MICAL2: variants seen among roughly 807,000 people sequenced by gnomAD.
MICAL2 encodes microtubule associated monooxygenase, calponin and LIM domain containing 2.
A neutral mutation model predicts 127.3 loss-of-function variants in MICAL2; 77 were observed. The ratio of observed to expected loss-of-function variants is 0.60; its 90% CI spans 0.50 to 0.73. The LOEUF (loss-of-function observed/expected upper bound fraction) is 0.73, where lower values mean the gene tolerates loss of function less well. MICAL2 is among the 30% of genes least tolerant of loss of function. The probability of loss-of-function intolerance (pLI) is 0.00; values close to 1 mark genes in which losing one functional copy is unlikely to be tolerated. For missense variants in MICAL2, 1,351 were observed against 1,434.4 expected (o/e 0.94, Z 0.94); for synonymous variants, 570 against 551.1 (o/e 1.03, Z -0.48).
chr11:12,203,469 A>T (rs986545840), intron 3 of MICAL2, among the ~76,000 whole-genome samples: 3 of 152,018 alleles, frequency 2.0e-5, no homozygotes, highest in African/African-American at 4.8e-5. Flanking sequence ...GTGTGAAGTG[A>T]TTTCTCCCTG....
In MICAL2 at chr11:12,189,409, CT is replaced by C. The variant is rs112563568; in HGVS notation, c.265-14840del. On this transcript the variant is annotated intron_variant, in intron 3 of 27. Transcript: ENST00000683283. Reference sequence around the variant, plus strand: ...ACCAGATATGATGCCTAGAAAATAGCTGTTCATTCAGTGTTTTTTGAATGAA... The same window carrying C: ...ACCAGATATGATGCCTAGAAAATAGCGTTCATTCAGTGTTTTTTGAATGAA... 8.0e-3 allele frequency among the ~76,000 whole-genome samples: 1,212 copies of C among 152,238 alleles called. 19 individuals are homozygous for C. Among genetic ancestry groups the C allele is most frequent in the African/African-American group, 0.026 (1,062 of 41,528 alleles).
At chr11:12,189,296 T>C (rs910232014) in intron 3 of MICAL2, among the ~76,000 whole-genome samples, 3 of 152,122 alleles carry the variant, frequency 2.0e-5, no homozygotes, top group African/African-American at 7.3e-5. Flanking sequence ...CCTTGATGTT[T>C]TTTTTGTTTT....
Position 12,358,462 on chromosome 11 carries a change from C to A in MICAL2, c.5857C>A (p.Gln1953Lys). Reference sequence around the variant, plus strand: ...AAGCTTCGTATTCTCCAGAGGCTGTCAGCTGAGCAGGACTTGAGGAGGCCC... The same window carrying A: ...AAGCTTCGTATTCTCCAGAGGCTGTAAGCTGAGCAGGACTTGAGGAGGCCC... Residue 1953 changes from glutamine to lysine, a missense_variant, in exon 35 of 35, where the codon CAG (glutamine) becomes AAG (lysine). By Grantham distance (53) the Gln-to-Lys change is moderately conservative (BLOSUM62 1). Transcript: ENST00000646065. 3.1e-6 allele frequency: 5 copies of A among 1,614,130 alleles called. No individual in the cohort carries two copies. The South Asian group carries it at 5.5e-5, about 18-fold the overall frequency.
chr11:12,134,198 C>T (rs369706025), intron 1 of MICAL2, among the ~76,000 whole-genome samples: 12 of 152,334 alleles, frequency 7.9e-5, no homozygotes, highest in African/African-American at 2.9e-4. Context: ...CAGTGCATGG[C>T]ACATTTAAGT....
intron 8 of MICAL2, among the ~76,000 whole-genome samples, chr11:12,216,938 GT>G (rs550093562): frequency 1.3e-5 from 2 of 152,324 alleles, no homozygotes; most frequent in Admixed American, 1.3e-4. Context: ...CCGGCAGAGG[GT>G]GGGTTTGTAG....
At chr11:12,265,157 C>A (rs113333443), downstream of MICAL2, among the ~76,000 whole-genome samples, 4 of 152,198 alleles carry the variant, frequency 2.6e-5, no homozygotes, top group Non-Finnish European at 5.9e-5. Context: ...AGTCCTCCCC[C>A]GTCCTGGAGA....
chr11:12,260,158 G>T (rs1487145381), intron 26 of MICAL2: 1 of 1,520,956 alleles, frequency 6.6e-7, no homozygotes, highest in Non-Finnish European at 8.8e-7. Context: ...GTGCTTCCCA[G>T]TCAAGCTCCG....
intron 29 of MICAL2, among the ~76,000 whole-genome samples, chr11:12,305,601 G>T (rs1287230009): frequency 6.6e-6 from 1 of 152,144 alleles, no homozygotes; most frequent in Non-Finnish European, 1.5e-5. Context: ...ACAATATACT[G>T]TAATAAAAGT....
In MICAL2 at chr11:12,307,108, T is replaced by C. The variant is rs369752519; in HGVS notation, c.5212+12251T>C. Among the ~76,000 whole-genome samples, 11 of 152,360 alleles carry C rather than the reference T, an allele frequency of 7.2e-5. No homozygotes were observed. The East Asian group carries it at 1.5e-3, about 21-fold the overall frequency. On this transcript the variant is annotated intron_variant, in intron 29 of 34. Coordinates refer to the MICAL2 transcript ENST00000646065. ...GGTTACTGTACATCCATGCTAACAC[T>C]TGACATTGTCAGACTCAAATTCTAG...
chr11:12,350,866 CA>C (rs959700495), intron 33 of MICAL2, among the ~76,000 whole-genome samples: 8 of 152,140 alleles, frequency 5.3e-5, no homozygotes, highest in African/African-American at 1.7e-4. Flanking sequence ...GCCAGAAGTT[CA>C]AAATCAAGGT....
intron 2 of MICAL2, among the ~76,000 whole-genome samples, chr11:12,282,330 A>G (rs1863781388): frequency 1.3e-5 from 2 of 151,130 alleles, no homozygotes; most frequent in South Asian, 4.2e-4. Flanking sequence ...GTCCAGCCCC[A>G]CCTCTGGTTA....
At chr11:12,282,781 A>G (rs1486867769) in intron 2 of MICAL2, among the ~76,000 whole-genome samples, 1 of 152,210 alleles carries the variant, frequency 6.6e-6, no homozygotes, top group Non-Finnish European at 1.5e-5. Flanking sequence ...AATAGATGAT[A>G]TTGAGAAATG....
intron 3 of MICAL2, among the ~76,000 whole-genome samples, chr11:12,166,584 T>C (rs566243381): frequency 6.6e-6 from 1 of 152,366 alleles, no homozygotes; most frequent in South Asian, 2.1e-4. Flanking sequence ...AGTAGCATTC[T>C]CTGTAAAATG....
At chr11:12,159,352 G>A (rs1854528793) in intron 2 of MICAL2, among the ~76,000 whole-genome samples, 2 of 152,200 alleles carry the variant, frequency 1.3e-5, no homozygotes, top group African/African-American at 4.8e-5. Flanking sequence ...TTGGAGAACT[G>A]ATTTACAAGA....
rs1863791899 is a variant in MICAL2 at position 12,283,364 on chromosome 11, ACT to A, written c.254+2268_254+2269del. On this transcript the variant is annotated intron_variant, in intron 2 of 2. Transcript: ENST00000529028. ...AGTTTAAAAAAAAAAAAAAAAAAAGACTCTACGTTGGTCCAGCCATGCTCATA... is the reference window on the plus strand; with the variant it reads ...AGTTTAAAAAAAAAAAAAAAAAAAGACTACGTTGGTCCAGCCATGCTCATA... 6.1e-5 allele frequency among the ~76,000 whole-genome samples: 9 copies of A among 148,434 alleles called. No individual in the cohort carries two copies. The South Asian group carries it at 1.9e-3, about 31-fold the overall frequency.
intron 3 of MICAL2, among the ~76,000 whole-genome samples, chr11:12,175,651 G>A (rs1280783977): frequency 6.6e-6 from 1 of 152,078 alleles, no homozygotes; most frequent in Non-Finnish European, 1.5e-5. Flanking sequence ...GCAGGGCAGG[G>A]AGAGGAGAGT....
intron 3 of MICAL2, among the ~76,000 whole-genome samples, chr11:12,203,483 CTTTAA>C (rs1177125417): frequency 6.6e-6 from 1 of 152,182 alleles, no homozygotes; most frequent in Non-Finnish European, 1.5e-5. Flanking sequence ...CTCCCTGTGG[CTTTAA>C]TTTGTGTTTC....
At chr11:12,338,230 A>T (rs1431436537) in intron 32 of MICAL2, among the ~76,000 whole-genome samples, 1 of 151,758 alleles carries the variant, frequency 6.6e-6, no homozygotes, top group Non-Finnish European at 1.5e-5. Context: ...GTCTCTTTTG[A>T]TCTTTGTTGG....
At chr11:12,179,667 T>C (rs2133937014) in intron 3 of MICAL2, among the ~76,000 whole-genome samples, 1 of 152,346 alleles carries the variant, frequency 6.6e-6, no homozygotes, top group Middle Eastern at 3.4e-3. Context: ...TCAGTGCTCC[T>C]GACTTCAGGC....
Sources: gnomAD v4.1 joint callset for allele counts (sites outside exome capture counted in the v4.1 genomes callset) on GRCh38, gnomAD v4.1.1 for gene constraint, MANE v1.5 for transcripts, NCBI Gene and HGNC (gene_info 2026-07-23, HGNC 2026-07-21) for gene names.